The following ZNF638 variants were observed in gnomAD, a reference collection of about 807,000 sequenced individuals.
ZNF638 encodes the protein zinc finger protein 638.
Under a neutral mutation model 195.6 loss-of-function variants are expected in ZNF638, and 46 were observed. That is an observed-to-expected ratio of 0.24 (90% CI 0.19 to 0.30). The LOEUF (loss-of-function observed/expected upper bound fraction) is 0.30. Ranked by LOEUF, ZNF638 falls within the 10% of genes least tolerant of loss-of-function variation. The pLI, the probability that ZNF638 is intolerant of heterozygous loss-of-function variation, is 1.00. For synonymous variants in ZNF638, 845 were observed against 772.0 expected, an observed-to-expected ratio of 1.09 and a Z score of -1.57; for missense variants, 2,440 against 2,325.3, an observed-to-expected ratio of 1.05 and a Z score of -1.01.
chr2:71,406,412 T>G, intron 19 of ZNF638, 150 bp downstream of exon 19: 1 of 726,438 alleles, frequency 1.4e-6, no homozygotes, highest in Non-Finnish European at 2.2e-6. Flanking sequence ...TATTTTATTT[T>G]GGACTGGGCC....
chr2:71,425,343 A>ATAAGGATTATGGCTACTAAAGCAGAAG lies in ZNF638; in HGVS notation c.4590+637_4590+663dup, dbSNP rs2080517749. On this transcript the variant is annotated intron_variant, in intron 23 of 27. Coordinates refer to ENST00000264447, the MANE Select transcript of ZNF638 (RefSeq NM_014497.5). The stretch of plus-strand genomic sequence containing the variant: ...AAGGATTATGGCTACTAAAGCAGAA[A>ATAAGGATTATGGCTACTAAAGCAGAAG]TAAGGATTATGGCTACTAAAGCAGA... Among the ~76,000 whole-genome samples the ATAAGGATTATGGCTACTAAAGCAGAAG allele has an allele frequency of 2.6e-5, 4 of 151,864 alleles. 2 individuals carry two copies. The highest frequency in any genetic ancestry group is 4.8e-5 in the African/African-American group (2 of 41,316).
At chr2:71,411,462 TTTTTA>T (rs1051255323) in intron 20 of ZNF638, among the ~76,000 whole-genome samples, 2 of 111,604 alleles carry the variant, frequency 1.8e-5, no homozygotes, top group African/African-American at 5.8e-5. Context: ...TATTTTTTAT[TTTTTA>T]TTTTTAATTT....
rs3836138 is a variant in ZNF638, at chr2:71,347,039, AAAAG to A, written c.-202-1708_-202-1705del. Among the ~76,000 whole-genome samples, 7,623 of 152,052 alleles carry A rather than the reference AAAAG, an allele frequency of 0.05. 915 individuals carry two copies. In the East Asian group the frequency reaches 0.55, roughly 11 times the overall value. Reference sequence around the variant, plus strand: ...TCCCTGTCTTTAAAAAAAGAAAAAAAAAAGAAAGATTATTGGAAGACTCACTCTT... The same window carrying A: ...TCCCTGTCTTTAAAAAAAGAAAAAAAAAAGATTATTGGAAGACTCACTCTT... On this transcript the variant is annotated intron_variant, in intron 1 of 27. Transcript: ENST00000264447.
chr2:71,374,316 A>G (rs2079377644), intron 8 of ZNF638, among the ~76,000 whole-genome samples: 1 of 152,216 alleles, frequency 6.6e-6, no homozygotes, highest in Admixed American at 6.5e-5. Flanking sequence ...TTTTATGTGT[A>G]TAAATTCTGT....
chr2:71,336,014 T>C (rs2078660502), intron 1 of ZNF638, among the ~76,000 whole-genome samples: 1 of 152,226 alleles, frequency 6.6e-6, no homozygotes, highest in South Asian at 2.1e-4. Flanking sequence ...TTTTATACAT[T>C]ATTTAGATAA....
At chr2:71,370,970 A>G (rs567124037) in intron 8 of ZNF638, among the ~76,000 whole-genome samples, 89 of 151,010 alleles carry the variant, frequency 5.9e-4, no homozygotes, top group Non-Finnish European at 1.1e-3. Flanking sequence ...CCCCTCCTCT[A>G]CCCCCTGTTA....
chr2:71,335,256 G>T (rs1267643600), intron 1 of ZNF638, among the ~76,000 whole-genome samples: 1 of 152,088 alleles, frequency 6.6e-6, no homozygotes, highest in African/African-American at 2.4e-5. Flanking sequence ...GCCCAGGCTG[G>T]TCTCAAACTC....
rs947730057 is a variant in ZNF638 at position 71,331,844 on chromosome 2, A to C, written c.-234A>C. On this transcript the variant is annotated 5_prime_UTR_variant, in exon 1 of 28. The change abolishes an upstream ATG in the 5' untranslated region. Coordinates refer to ENST00000264447, the MANE Select transcript of ZNF638 (RefSeq NM_014497.5). ...GAGTGCTAAACTGTGTGGGGCGCGG[A>C]TGGGATCCAGCTGTTAGTCGGGTAG... The C allele has an allele frequency of 5.1e-6, 5 of 986,216 alleles. No individual in the cohort carries two copies. Among genetic ancestry groups the C allele is most frequent in the Non-Finnish European group, 6.0e-6 (5 of 830,256 alleles). The allele number at this position is 986,216 out of a possible 1,614,324, so 61.1% of individuals were successfully genotyped here. A position where few individuals can be genotyped will look rare whatever the true frequency, so the allele number is the denominator to read the frequency against.
chr2:71,370,235 C>A (rs2079284982), intron 8 of ZNF638, among the ~76,000 whole-genome samples: 1 of 152,100 alleles, frequency 6.6e-6, no homozygotes, highest in African/African-American at 2.4e-5. Context: ...ATATATAACA[C>A]AAAAATAGCA....
At chr2:71,335,630 T>A (rs986353964) in intron 1 of ZNF638, among the ~76,000 whole-genome samples, 1 of 152,188 alleles carries the variant, frequency 6.6e-6, no homozygotes, top group Admixed American at 6.6e-5. Flanking sequence ...CATGTGCCTG[T>A]CCAGTTTCAA....
In ZNF638 at chr2:71,363,965, A is replaced by G. The variant is rs1360125480; in HGVS notation, c.1430A>G (p.Asn477Ser). ...EILPSRRNEG[N>S]RKENETPRRR... ...CCCCCTGCTTGTAGAAATGAGGGCA[A>G]TAGAAAAGAAAATGAAACTCCACGA... The change falls in exon 5 of 28, where the codon AAT (asparagine) becomes AGT (serine). Residue 477 changes from asparagine (N) to serine (S), a missense_variant. Asn to Ser is a conservative substitution (Grantham distance 46, BLOSUM62 1). This residue lies in a region of ZNF638 where 1,883 missense variants were observed against 1,739.1 expected (regional missense o/e 1.08). Coordinates refer to ENST00000264447, the MANE Select transcript of ZNF638 (RefSeq NM_014497.5). The G allele has an allele frequency of 6.2e-7, 1 of 1,612,340 alleles. No individual in the cohort carries two copies. The highest frequency in any genetic ancestry group is 1.7e-5 in the Admixed American group (1 of 59,784).
At chr2:71,379,442 G>GC (rs905883668) in intron 8 of ZNF638, 2 of 152,178 alleles carry the variant, frequency 1.3e-5, no homozygotes, top group East Asian at 1.9e-4. Context: ...TATGCTACCT[G>GC]CCCACTAGTC....
At chr2:71,391,220 C>T (rs961119411) in intron 10 of ZNF638, among the ~76,000 whole-genome samples, 2 of 152,202 alleles carry the variant, frequency 1.3e-5, no homozygotes, top group South Asian at 2.1e-4. Flanking sequence ...GCCCCTTCAA[C>T]GGGGCTCCCT....
chr2:71,368,516 A>G lies in ZNF638; in HGVS notation c.2130A>G (p.Pro710=), dbSNP rs2079247169. ...FGKVNDVLIV[P]YRKEAYLEME... ...AAGTGAATGATGTCCTAATTGTTCCATATAGAAAAGAGGTGAGTCATTTAG... is the reference window on the plus strand; with the variant it reads ...AAGTGAATGATGTCCTAATTGTTCCGTATAGAAAAGAGGTGAGTCATTTAG... Residue 710 remains proline, a synonymous_variant, in exon 7 of 28, where the codon CCA becomes CCG. Transcript: ENST00000264447. 1.2e-6 allele frequency: 2 copies of G among 1,612,000 alleles called. No individual in the cohort carries two copies. The highest frequency in any genetic ancestry group is 1.7e-4 in the Middle Eastern group (1 of 6,048).
chr2:71,350,179 A>T lies in ZNF638; in HGVS notation c.1225A>T (p.Thr409Ser). Residue 409 changes from threonine to serine, a missense_variant, in exon 2 of 28, where the codon ACT becomes TCT. By Grantham distance (58) the Thr-to-Ser change is moderately conservative (BLOSUM62 1). Coordinates refer to ENST00000264447, the MANE Select transcript of ZNF638 (RefSeq NM_014497.5). ...TGCCCAGAAGATGAAGAGACTTCCA[A>T]CTCCTTCTATGATGAATGATTATTA... Reference protein sequence around the residue: ...ADAQKMKRLPTPSMMNDYYAA... With the variant: ...ADAQKMKRLPSPSMMNDYYAA... 4.3e-6 allele frequency: 7 copies of T among 1,612,622 alleles called. No individual in the cohort carries two copies. The highest frequency in any genetic ancestry group is 1.3e-5 in the African/African-American group (1 of 74,998).
At chr2:71,388,579 A>C (rs757661989) in intron 10 of ZNF638, 1 of 767,644 alleles carries the variant, frequency 1.3e-6, no homozygotes, top group Non-Finnish European at 2.4e-6. Context: ...CGCTCACGCA[A>C]AATACCTGTG....
intron 26 of ZNF638, among the ~76,000 whole-genome samples, chr2:71,432,182 G>A (rs1431021183): frequency 6.6e-6 from 1 of 152,098 alleles, no homozygotes; most frequent in Non-Finnish European, 1.5e-5. Context: ...ATTTTAATGG[G>A]ATTCCTAAGA....
intron 10 of ZNF638, chr2:71,388,719 A>G (rs1486996414): frequency 8.4e-7 from 1 of 1,186,358 alleles, no homozygotes; most frequent in Non-Finnish European, 1.3e-6. Context: ...GAGACTGTGC[A>G]GTCAGTAAGT....
At chr2:71,346,271 A>G (rs2078849323) in intron 1 of ZNF638, among the ~76,000 whole-genome samples, 1 of 152,232 alleles carries the variant, frequency 6.6e-6, no homozygotes, top group Non-Finnish European at 1.5e-5. Flanking sequence ...TACATAAGCA[A>G]TGCGTATCTT....
Sources: gnomAD v4.1 joint callset for allele counts (sites outside exome capture counted in the v4.1 genomes callset) on GRCh38, gnomAD v4.1.1 for gene constraint, gnomAD v4.1.1 regional missense constraint, MANE v1.5 for transcripts, NCBI Gene and HGNC (gene_info 2026-07-23, HGNC 2026-07-21) for gene names.